The following C3orf52 variants were observed in gnomAD, a reference collection of about 807,000 sequenced individuals.
C3orf52 encodes the protein chromosome 3 open reading frame 52.
C3orf52 carries 22 observed loss-of-function variants against 24.8 expected under a neutral mutation model. The observed-to-expected ratio is 0.89, with a 90% CI of 0.63 to 1.27. The LOEUF (loss-of-function observed/expected upper bound fraction) is 1.27. Ranked by LOEUF, C3orf52 falls within the 50% of genes most tolerant of loss-of-function variation. The probability of loss-of-function intolerance (pLI) is 0.00; values close to 1 mark genes in which losing one functional copy is unlikely to be tolerated. For missense variants in C3orf52, 265 were observed against 260.7 expected (o/e 1.02, Z -0.11); for synonymous variants, 93 against 100.2 (o/e 0.93, Z 0.43).
chr3:112,113,004 G>A lies in C3orf52; in HGVS notation c.508G>A (p.Val170Ile). The stretch of plus-strand genomic sequence containing the variant: ...AGTAACGTATGACCTGCAATTTGGG[G>A]TTCCATCAGATGATGAAAATTTTAT... ...ATVTYDLQFG[V>I]PSDDENFMKY... The change falls in exon 5 of 6, where the codon GTT becomes ATT. Residue 170 changes from valine to isoleucine, a missense_variant. Physicochemically the swap from Val to Ile is conservative, Grantham distance 29. Transcript: ENST00000264848. 1 of 1,608,672 alleles carries A rather than the reference G, an allele frequency of 6.2e-7. No homozygotes were observed. The highest frequency in any genetic ancestry group is 8.5e-7 in the Non-Finnish European group (1 of 1,177,490).
rs181900529 is a variant in C3orf52, at chr3:112,115,106, G to A, written c.650-1536G>A. ...CTTTCTCTCAGACATTTCTTCTGAC[G>A]GGACATGCTGAGAAAATGTGGGGTT... On this transcript the variant is annotated intron_variant, in intron 5 of 5. Transcript: ENST00000264848. Among the ~76,000 whole-genome samples, 130 of 152,280 alleles carry A rather than the reference G, an allele frequency of 8.5e-4. 1 individual carries two copies. Among genetic ancestry groups the A allele is most frequent in the Non-Finnish European group, 5.1e-4 (35 of 68,028 alleles).
intron 3 of C3orf52, among the ~76,000 whole-genome samples, chr3:112,108,624 G>A (rs1323176671): frequency 2.0e-5 from 3 of 152,216 alleles, no homozygotes; most frequent in Non-Finnish European, 4.4e-5. Context: ...TCATTTAAAG[G>A]AATCTGTGCA....
rs1553769736 is a variant in C3orf52, at chr3:112,123,782, A to G, written c.*46+4220A>G. On this transcript the variant is annotated intron_variant, in intron 4 of 4. Coordinates refer to the C3orf52 transcript ENST00000480282. Reference sequence around the variant, plus strand: ...TCTGGTCAACATTGTCCTGCTTGTCAAAGAAGAACCATCATCAAGATTTGG... The same window carrying G: ...TCTGGTCAACATTGTCCTGCTTGTCGAAGAAGAACCATCATCAAGATTTGG... The G allele has an allele frequency of 3.1e-6, 5 of 1,602,838 alleles. No individual in the cohort carries two copies. In the South Asian group the frequency reaches 5.6e-5, roughly 18 times the overall value.
At chr3:112,132,656 A>T (rs1431328623), downstream of C3orf52, 10 of 987,434 alleles carry the variant, frequency 1.0e-5, no homozygotes, top group Non-Finnish European at 1.1e-5. Flanking sequence ...GGGAGTGCAC[A>T]TCAAAGGAAG....
rs2073826947 is a variant in C3orf52, at chr3:112,086,512, C to T, written c.105C>T (p.Phe35=). 6.4e-7 allele frequency: 1 copy of T among 1,551,376 alleles called. No individual in the cohort carries two copies. The highest frequency in any genetic ancestry group is 8.7e-7 in the Non-Finnish European group (1 of 1,146,800). The part of the protein sequence containing the change: ...NTPLNGADKV[F]PSLDEEVPPA... ...CTCTCAATGGTGCCGACAAGGTCTT[C>T]CCTTCTTTGGACGAGGAGGTCCCCC... is the stretch of plus-strand genomic sequence containing the variant. The change falls in exon 1 of 6, where the codon TTC becomes TTT. Residue 35 remains phenylalanine (F), a synonymous_variant. Coordinates refer to ENST00000264848, the MANE Select transcript of C3orf52 (RefSeq NM_024616.3).
chr3:112,112,973 T>C lies in C3orf52; in HGVS notation c.477T>C (p.Asn159=). 1 of 1,606,664 alleles carries C rather than the reference T, an allele frequency of 6.2e-7. No individual in the cohort carries two copies. The highest frequency in any genetic ancestry group is 8.5e-7 in the Non-Finnish European group (1 of 1,176,298). ...SVEIVDFSGE[N]ATVTYDLQFG... ...TTCCATTGCCTTTCAGTGGTGAAAATGCCACAGTAACGTATGACCTGCAAT... is the reference window on the plus strand; with the variant it reads ...TTCCATTGCCTTTCAGTGGTGAAAACGCCACAGTAACGTATGACCTGCAAT... Residue 159 remains asparagine, a synonymous_variant, in exon 5 of 6, where the codon AAT becomes AAC. Transcript: ENST00000264848.
intron 2 of C3orf52, among the ~76,000 whole-genome samples, chr3:112,095,360 C>G (rs1461806888): frequency 6.6e-6 from 1 of 152,110 alleles, no homozygotes; most frequent in Non-Finnish European, 1.5e-5. Context: ...TTGGTGCTAT[C>G]CTAGAAGTTG....
chr3:112,133,446 T>C (rs947986386), downstream of C3orf52: 3 of 292,170 alleles, frequency 1.0e-5, no homozygotes, highest in African/African-American at 6.6e-5. Flanking sequence ...CATGGGAGTT[T>C]TTCCACTACA....
chr3:112,089,212 T>C (rs1449777070), intron 1 of C3orf52, among the ~76,000 whole-genome samples: 1 of 152,124 alleles, frequency 6.6e-6, no homozygotes, highest in Non-Finnish European at 1.5e-5. Flanking sequence ...ACCAGTAAAT[T>C]GATAGTTTTG....
In C3orf52 at chr3:112,109,573, C is replaced by G. The variant is rs2074058078; in HGVS notation, c.427C>G (p.Leu143Val). The G allele has an allele frequency of 6.2e-7, 1 of 1,603,102 alleles. No individual in the cohort carries two copies. Among genetic ancestry groups the G allele is most frequent in the Non-Finnish European group, 8.5e-7 (1 of 1,170,720 alleles). ...AGATGTGTACAGTACATCGCCCTCT[C>G]TGGGTCGTTATTTTACTTCAGTTGA... ...LTDVYSTSPS[L>V]GRYFTSVEIV... The change falls in exon 4 of 6, where the codon CTG becomes GTG. Residue 143 changes from leucine to valine, a missense_variant. Coordinates refer to ENST00000264848, the MANE Select transcript of C3orf52 (RefSeq NM_024616.3).
intron 1 of C3orf52, 31 bp from the exon 2 acceptor site, chr3:112,093,329 A>G: frequency 6.2e-7 from 1 of 1,611,762 alleles, no homozygotes; most frequent in Non-Finnish European, 8.5e-7. Context: ...CAACACAATG[A>G]CTGCCTCACA....
downstream of C3orf52, among the ~76,000 whole-genome samples, chr3:112,131,302 T>TGA (rs1466805595): frequency 9.2e-5 from 14 of 151,666 alleles, no homozygotes; most frequent in African/African-American, 3.4e-4. Flanking sequence ...TGAGCTCCTC[T>TGA]CATGAAGGGA....
chr3:112,125,375 G>C, intron 4 of C3orf52: 1 of 706,012 alleles, frequency 1.4e-6, no homozygotes, highest in Non-Finnish European at 2.5e-6. Context: ...GCTCTTCTCA[G>C]GCTATTCTGA....
intron 1 of C3orf52, among the ~76,000 whole-genome samples, chr3:112,086,852 TAA>T (rs1399100182): frequency 6.6e-6 from 1 of 152,242 alleles, no homozygotes; most frequent in African/African-American, 2.4e-5. Flanking sequence ...AGTAGTTTTT[TAA>T]AGTTATGTAA....
chr3:112,122,006 T>C (rs1468113161), downstream of C3orf52: 2 of 152,214 alleles, frequency 1.3e-5, no homozygotes, highest in African/African-American at 2.4e-5. Flanking sequence ...TCCCTAAAAT[T>C]AGGACAGTAG....
chr3:112,089,714 C>T (rs1051269189), intron 1 of C3orf52, among the ~76,000 whole-genome samples: 1 of 151,996 alleles, frequency 6.6e-6, no homozygotes, highest in African/African-American at 2.4e-5. Context: ...TTTCCCTGAT[C>T]TATATAATAT....
intron 5 of C3orf52, among the ~76,000 whole-genome samples, chr3:112,115,240 GAGA>G (rs1006498896): frequency 2.0e-5 from 3 of 152,204 alleles, no homozygotes; most frequent in Non-Finnish European, 4.4e-5. Flanking sequence ...AGGGTGCACA[GAGA>G]AGCAGTTGGG....
At position 112,109,559 on chromosome 3, in the gene C3orf52, GT is replaced by G; in HGVS notation, c.414del (p.Ser138ArgfsTer15). ...LLTERLTDVY[S>X]TSPSLGRYFT... is the part of the protein sequence containing the mutation. Reference sequence around the variant, plus strand: ...TTTGTTTAGCTCACAGATGTGTACAGTACATCGCCCTCTCTGGGTCGTTATT... The same window carrying G: ...TTTGTTTAGCTCACAGATGTGTACAGACATCGCCCTCTCTGGGTCGTTATT... On this transcript the variant is annotated frameshift_variant, in exon 4 of 6. Coordinates refer to ENST00000264848, the MANE Select transcript of C3orf52 (RefSeq NM_024616.3). LOFTEE classifies it high-confidence loss of function. 3 of 1,599,678 alleles carry G rather than the reference GT, an allele frequency of 1.9e-6. No homozygotes were observed. The highest frequency in any genetic ancestry group is 2.6e-6 in the Non-Finnish European group (3 of 1,167,752).
chr3:112,131,761 T>C (rs1016380481), downstream of C3orf52, among the ~76,000 whole-genome samples: 1 of 152,232 alleles, frequency 6.6e-6, no homozygotes, highest in African/African-American at 2.4e-5. Context: ...TCAAAACTTA[T>C]GTGAGTTGAT....
Sources: gnomAD v4.1 joint callset for allele counts (sites outside exome capture counted in the v4.1 genomes callset) on GRCh38, gnomAD v4.1.1 for gene constraint, MANE v1.5 for transcripts, NCBI Gene and HGNC (gene_info 2026-07-23, HGNC 2026-07-21) for gene names.